The following ITSN2 variants were observed in gnomAD, a reference collection of about 807,000 sequenced individuals.
The protein encoded by ITSN2 is intersectin 2.
A neutral mutation model predicts 243.7 loss-of-function variants in ITSN2; 156 were observed. The observed-to-expected ratio is 0.64, with a 90% CI of 0.56 to 0.73. The LOEUF is 0.73. Ranked by LOEUF, ITSN2 falls within the 30% of genes least tolerant of loss-of-function variation. The pLI is 0.00. For missense variants in ITSN2, 1,801 were observed against 1,996.1 expected (o/e 0.90, Z 1.86); for synonymous variants, 703 against 699.9 (o/e 1.00, Z -0.07).
chr2:24,226,628 A>G (rs1240812072), intron 29 of ITSN2, among the ~76,000 whole-genome samples: 2 of 152,016 alleles, frequency 1.3e-5, no homozygotes, highest in Non-Finnish European at 2.9e-5. Flanking sequence ...CTGAAAATGT[A>G]TTTATTTCTC....
chr2:24,323,503 A>G lies in ITSN2; in HGVS notation c.31+4549T>C, dbSNP rs1469581227. 2.0e-5 allele frequency among the ~76,000 whole-genome samples: 3 copies of G among 152,232 alleles called. No homozygotes were observed. The East Asian group carries it at 5.8e-4, about 29-fold the overall frequency. On this transcript the variant is annotated intron_variant, in intron 2 of 39. Coordinates refer to ENST00000355123, the MANE Select transcript of ITSN2 (RefSeq NM_006277.3). ...AGGCTACATATTGTGTATTCCATTT[A>G]TATGACATTCTGGAAAAGGCAGAAC...
In ITSN2 at chr2:24,298,628, A is replaced by G. The variant is rs777308651; in HGVS notation, c.1494+37T>C. 3 of 1,579,930 alleles carry G rather than the reference A, an allele frequency of 1.9e-6. No homozygotes were observed. In the South Asian group the frequency reaches 3.5e-5, roughly 18 times the overall value. ...ACATTTTTCAACAGGTAGCTCCATC[A>G]TCATTCAGATAAATTTCACTTAAAC... On this transcript the variant is annotated intron_variant, in intron 13 of 39. Coordinates refer to ENST00000355123, the MANE Select transcript of ITSN2 (RefSeq NM_006277.3).
intron 15 of ITSN2, among the ~76,000 whole-genome samples, chr2:24,287,455 C>A (rs1269207890): frequency 6.6e-6 from 1 of 152,078 alleles, no homozygotes; most frequent in Non-Finnish European, 1.5e-5. Flanking sequence ...AAACTGAGGT[C>A]ATGCAGTATT....
chr2:24,324,661 C>G (rs751465660), intron 2 of ITSN2, among the ~76,000 whole-genome samples: 44 of 151,562 alleles, frequency 2.9e-4, no homozygotes, highest in Non-Finnish European at 5.9e-4. Flanking sequence ...CCAGCCTGGT[C>G]AACATAGTGA....
chr2:24,327,471 G>A (rs1685282692), intron 2 of ITSN2, among the ~76,000 whole-genome samples: 1 of 151,782 alleles, frequency 6.6e-6, no homozygotes, highest in Non-Finnish European at 1.5e-5. Flanking sequence ...GCTAGTTTTT[G>A]TATTTTTAGT....
In ITSN2 at chr2:24,316,050, C is replaced by T. The variant is rs1201123144; in HGVS notation, c.32-826G>A. On this transcript the variant is annotated intron_variant, in intron 2 of 39. Coordinates refer to ENST00000355123, the MANE Select transcript of ITSN2 (RefSeq NM_006277.3). ...TTGAAGCTTGGTTTGAATTTTGCCA[C>T]GTGAAGAGGAGGGATAAGAACATTT... Among the ~76,000 whole-genome samples the T allele has an allele frequency of 2.6e-5, 4 of 151,948 alleles. No individual in the cohort carries two copies. In the South Asian group the frequency reaches 6.2e-4, roughly 24 times the overall value.
chr2:24,293,471 T>C (rs1680537766), intron 15 of ITSN2: 2 of 324,224 alleles, frequency 6.2e-6, no homozygotes, highest in South Asian at 5.9e-5. Flanking sequence ...TATGAAGTCA[T>C]ACCACAATCA....
rs564635678 is a variant in ITSN2 at position 24,211,008 on chromosome 2, C to A, written c.4090-61G>T. The A allele has an allele frequency of 6.2e-4, 943 of 1,521,564 alleles. 7 individuals carry two copies. In the Middle Eastern group the frequency reaches 0.01, roughly 16 times the overall value. The allele number at this position is 1,521,564 out of a possible 1,614,324, so 94.3% of individuals were successfully genotyped here. On this transcript the variant is annotated intron_variant, in intron 33 of 39. Coordinates refer to ENST00000355123, the MANE Select transcript of ITSN2 (RefSeq NM_006277.3). This position sits in a 1 kb window ranked among gnomAD's most constrained non-coding sequence, Gnocchi z 4.1. ...GCGTCTCTCACCTGCCCACCTGGAC[C>A]TTCGCAGGACCGCTCCTCCAACCCC...
chr2:24,288,227 T>C, intron 15 of ITSN2, among the ~76,000 whole-genome samples: 1 of 152,118 alleles, frequency 6.6e-6, no homozygotes, highest in Non-Finnish European at 1.5e-5. Context: ...TTCATTCTTT[T>C]GCAGGTGGAT....
intron 17 of ITSN2, among the ~76,000 whole-genome samples, chr2:24,283,282 T>C (rs553286994): frequency 1.3e-5 from 2 of 152,214 alleles, no homozygotes; most frequent in Non-Finnish European, 1.5e-5. Flanking sequence ...TGGAGTGCAA[T>C]GGTGCGACCT....
intron 17 of ITSN2, among the ~76,000 whole-genome samples, chr2:24,282,132 C>T (rs1678862809): frequency 6.6e-6 from 1 of 152,198 alleles, no homozygotes; most frequent in Admixed American, 6.5e-5. Context: ...CCTGGCCTGC[C>T]ACGCCACCAT....
chr2:24,298,812 T>C lies in ITSN2; in HGVS notation c.1347A>G (p.Ala449=). The stretch of plus-strand genomic sequence containing the variant: ...GTTGTCGTTCAAGTTCCTGTTTTGC[T>C]GCCTGAAAAAAAAAAGGAATTATAC... ...ERRKDIERRE[A]AKQELERQRR... is the part of the protein sequence containing the mutation. Residue 449 remains alanine (A), a splice_region_variant and synonymous_variant, in exon 13 of 40, where the codon GCA becomes GCG. Transcript: ENST00000355123. 5 of 1,577,576 alleles carry C rather than the reference T, an allele frequency of 3.2e-6. No homozygotes were observed. The highest frequency in any genetic ancestry group is 1.7e-4 in the Middle Eastern group (1 of 5,844).
rs1673800116 is a variant in ITSN2 at position 24,249,246 on chromosome 2, A to T, written c.3121-364T>A. On this transcript the variant is annotated intron_variant, in intron 25 of 39. Coordinates refer to ENST00000355123, the MANE Select transcript of ITSN2 (RefSeq NM_006277.3). The surrounding 1 kb of genome is among the most constrained non-coding windows in gnomAD (Gnocchi z 4.4). Reference sequence around the variant, plus strand: ...ACTATGCACAACATATGTGTCCTGGATATGTCAAGGTATACGTTATTTTGC... The same window carrying T: ...ACTATGCACAACATATGTGTCCTGGTTATGTCAAGGTATACGTTATTTTGC... Among the ~76,000 whole-genome samples the T allele has an allele frequency of 6.6e-6, 1 of 152,204 alleles. No individual in the cohort carries two copies. Among genetic ancestry groups the T allele is most frequent in the Non-Finnish European group, 1.5e-5 (1 of 68,036 alleles).
At chr2:24,258,274 C>T (rs11890820) in intron 22 of ITSN2, among the ~76,000 whole-genome samples, 181 bp from the exon 23 acceptor site, 179 of 152,260 alleles carry the variant, frequency 1.2e-3, no homozygotes, top group African/African-American at 4.2e-3. Flanking sequence ...TGTGACTAGC[C>T]TTCTGTTAAG....
chr2:24,294,948 G>T (rs1680746341), intron 14 of ITSN2, among the ~76,000 whole-genome samples: 1 of 152,164 alleles, frequency 6.6e-6, no homozygotes, highest in Non-Finnish European at 1.5e-5. Flanking sequence ...TAGTTTTAAA[G>T]GAGACAGCAA....
intron 23 of ITSN2, among the ~76,000 whole-genome samples, chr2:24,256,336 G>T (rs1324893362): frequency 6.6e-6 from 1 of 152,230 alleles, no homozygotes; most frequent in African/African-American, 2.4e-5. Flanking sequence ...GGTCTTTAAA[G>T]ATTATTTGGC....
chr2:24,217,935 GCTC>G lies in ITSN2; in HGVS notation c.3775_3777del (p.Glu1259del). Reference sequence around the variant, plus strand: ...AGCAGCTTTGTGTTGGACATGATGAGCTCCTTCCAGTTAACAAAAATCAGGGCC... The same window carrying G: ...AGCAGCTTTGTGTTGGACATGATGAGCTTCCAGTTAACAAAAATCAGGGCC... On this transcript the variant is annotated inframe_deletion, in exon 31 of 40. Transcript: ENST00000355123. 6.2e-7 allele frequency: 1 copy of G among 1,613,740 alleles called. No individual in the cohort carries two copies. The highest frequency in any genetic ancestry group is 8.5e-7 in the Non-Finnish European group (1 of 1,179,648).
At chr2:24,355,756 T>C (rs1688387678) in intron 1 of ITSN2, among the ~76,000 whole-genome samples, 1 of 152,202 alleles carries the variant, frequency 6.6e-6, no homozygotes, top group Non-Finnish European at 1.5e-5. Context: ...CTAAAGAGCT[T>C]CTGCACAGCA....
chr2:24,212,899 T>C, intron 32 of ITSN2, 151 bp from the exon 33 acceptor site: 2 of 646,062 alleles, frequency 3.1e-6, no homozygotes, highest in South Asian at 3.9e-5. Flanking sequence ...GTGAGTGTTC[T>C]ATTTTTTATT....
Sources: allele counts gnomAD v4.1 joint callset (sites outside exome capture counted in the v4.1 genomes callset), GRCh38; gene constraint gnomAD v4.1.1; non-coding constraint Gnocchi (gnomAD v3.1); transcripts MANE v1.5; gene names NCBI Gene and HGNC (gene_info 2026-07-23, HGNC 2026-07-21).